Variants in FASTK observed in about 807,000 individuals in gnomAD.
The protein encoded by FASTK is fas-activated serine/threonine kinase.
Under a neutral mutation model 60.0 loss-of-function variants are expected in FASTK, and 28 were observed. The observed-to-expected ratio is 0.47, with a 90% confidence interval of 0.35 to 0.64. FASTK has a LOEUF of 0.64. Ranked by LOEUF, FASTK falls within the 30% of genes least tolerant of loss-of-function variation. FASTK has a pLI of 0.01. For synonymous variants in FASTK, 325 were observed against 307.9 expected (o/e 1.06, Z -0.58); for missense variants, 595 against 713.8 (o/e 0.83, Z 1.90).
rs1585006204 is a variant in FASTK, at chr7:151,077,140, T to C, written c.1388A>G (p.Gln463Arg). Reference sequence around the variant, plus strand: ...TCGAGTAGTGGCGCTAGAGGCAGCCTGGCCCTGTGGGCAGGACCTTGGTGG... The same window carrying C: ...TCGAGTAGTGGCGCTAGAGGCAGCCCGGCCCTGTGGGCAGGACCTTGGTGG... ...PYPPRSCPQG[Q>R]AASSATTRDP... The change falls in exon 8 of 10, where the codon CAG (glutamine) becomes CGG (arginine). Residue 463 changes from glutamine to arginine, a missense_variant. This residue lies in a region of FASTK where 471 missense variants were observed against 605.9 expected (regional missense o/e 0.78). Transcript: ENST00000297532. The C allele has an allele frequency of 6.2e-7, 1 of 1,612,762 alleles. No homozygotes were observed. The highest frequency in any genetic ancestry group is 8.5e-7 in the Non-Finnish European group (1 of 1,179,380).
At chr7:151,076,885 C>T (rs775545148) in intron 9 of FASTK, 28 bp downstream of exon 9, 5 of 1,596,696 alleles carry the variant, frequency 3.1e-6, no homozygotes, top group Non-Finnish European at 4.3e-6. Context: ...AGTGAGGATG[C>T]GCCACGGGCC....
At chr7:151,079,062 T>A in intron 2 of FASTK, 41 bp from the exon 3 acceptor site, 1 of 1,412,052 alleles carries the variant, frequency 7.1e-7, no homozygotes, top group Non-Finnish European at 9.3e-7. Flanking sequence ...AACAGAGCTG[T>A]GCTGCTGTTC....
intron 3 of FASTK, 34 bp from the exon 4 acceptor site, chr7:151,078,735 C>A (rs759138012): frequency 6.2e-7 from 1 of 1,611,452 alleles, no homozygotes; most frequent in Non-Finnish European, 8.5e-7. Flanking sequence ...TGGGCCTCAG[C>A]CGGACCTCCG....
At chr7:151,079,194 T>C in intron 2 of FASTK, 173 bp from the exon 3 acceptor site, 1 of 619,396 alleles carries the variant, frequency 1.6e-6, no homozygotes, top group Non-Finnish European at 2.7e-6. Context: ...GGCTATGAGG[T>C]ATCGAAACGG....
chr7:151,080,470 C>T, intron 1 of FASTK: 1 of 1,280,188 alleles, frequency 7.8e-7, no homozygotes, highest in Non-Finnish European at 9.9e-7. Context: ...GGCTTCGTCT[C>T]TCTAAGTCTC....
chr7:151,077,612 C>G lies in FASTK; in HGVS notation c.1199+9G>C, dbSNP rs1227363995. The G allele has an allele frequency of 2.0e-6, 3 of 1,536,762 alleles. No homozygotes were observed. In the South Asian group the frequency reaches 3.8e-5, roughly 19 times the overall value. ...GGCCCCTCCCCTTGCCCCAGGCTGC[C>G]CCATCCACCTGTACTTGCAGCGGGC... On this transcript the variant is annotated intron_variant, in intron 6 of 9. Coordinates refer to ENST00000297532, the MANE Select transcript of FASTK (RefSeq NM_006712.5).
chr7:151,079,871 G>A lies in FASTK; in HGVS notation c.134C>T (p.Ser45Phe), dbSNP rs1797887748. ...MLRVLLSAQT[S>F]PARLSGLLLI... ...CAGCAGGCCAGACAGCCGAGCAGGGGAGGTCTGAGCAGAGAGCAGGACTCG... is the reference window on the plus strand; with the variant it reads ...CAGCAGGCCAGACAGCCGAGCAGGGAAGGTCTGAGCAGAGAGCAGGACTCG... The change falls in exon 2 of 10, where the codon TCC becomes TTC. Residue 45 changes from serine to phenylalanine, a missense_variant. Around this residue, in one of 2 missense-constraint regions of FASTK, gnomAD observed 124 missense variants for 107.9 expected, o/e 1.15. Coordinates refer to ENST00000297532, the MANE Select transcript of FASTK (RefSeq NM_006712.5). 6.2e-7 allele frequency: 1 copy of A among 1,605,298 alleles called. No individual in the cohort carries two copies. The highest frequency in any genetic ancestry group is 1.1e-5 in the South Asian group (1 of 89,568).
intron 1 of FASTK, 53 bp from the exon 2 acceptor site, chr7:151,079,975 C>CCTG: frequency 6.9e-7 from 1 of 1,443,162 alleles, no homozygotes; most frequent in Non-Finnish European, 9.4e-7. Context: ...GGGAGAAAGA[C>CCTG]CTGCTACCTA....
Position 151,077,601 on chromosome 7 carries a change from C to T in FASTK, c.1199+20G>A, listed in dbSNP as rs747783360. On this transcript the variant is annotated intron_variant, in intron 6 of 9. Transcript: ENST00000297532. Reference sequence around the variant, plus strand: ...GGTCCCAGGCTGGCCCCTCCCCTTGCCCCAGGCTGCCCCATCCACCTGTAC... The same window carrying T: ...GGTCCCAGGCTGGCCCCTCCCCTTGTCCCAGGCTGCCCCATCCACCTGTAC... 2.0e-6 allele frequency: 3 copies of T among 1,531,324 alleles called. No individual in the cohort carries two copies. The highest frequency in any genetic ancestry group is 2.5e-5 in the South Asian group (2 of 78,546). The allele number at this position is 1,531,324 out of a possible 1,614,324, so 94.9% of individuals were successfully genotyped here. A position where few individuals can be genotyped will look rare whatever the true frequency, so the allele number is the denominator to read the frequency against.
At chr7:151,078,248 C>T (rs1307870964) in intron 4 of FASTK, among the ~76,000 whole-genome samples, 156 bp from the exon 5 acceptor site, 7 of 152,218 alleles carry the variant, frequency 4.6e-5, no homozygotes, top group Non-Finnish European at 1.0e-4. Context: ...AAAGCAGTCA[C>T]GAGCTGCACG....
At position 151,079,720 on chromosome 7, in the gene FASTK, A is replaced by G; in HGVS notation, c.285T>C (p.Pro95=). The part of the protein sequence containing the change: ...LQRLLEQAKS[P]GELLRWLGQN... ...GGCCCAGCCAGCGCAGCAGCTCCCCAGGGCTCTTCGCCTGTTCCAGAAGCC... is the reference window on the plus strand; with the variant it reads ...GGCCCAGCCAGCGCAGCAGCTCCCCGGGGCTCTTCGCCTGTTCCAGAAGCC... Residue 95 remains proline, a synonymous_variant, in exon 2 of 10, where the codon CCT becomes CCC. Transcript: ENST00000297532. The G allele has an allele frequency of 6.2e-7, 1 of 1,601,692 alleles. No individual in the cohort carries two copies. The highest frequency in any genetic ancestry group is 8.5e-7 in the Non-Finnish European group (1 of 1,174,694).
chr7:151,078,868 C>G lies in FASTK; in HGVS notation c.659G>C (p.Arg220Pro). The G allele has an allele frequency of 5.0e-6, 8 of 1,606,626 alleles. No individual in the cohort carries two copies. Among genetic ancestry groups the G allele is most frequent in the Non-Finnish European group, 6.8e-6 (8 of 1,177,688 alleles). Residue 220 changes from arginine (R) to proline (P), a missense_variant, in exon 3 of 10, where the codon CGG (arginine) becomes CCG (proline). Arg to Pro is a moderately radical substitution (Grantham distance 103). Transcript: ENST00000297532. Reference sequence around the variant, plus strand: ...TGCCAGGCTGCTGATCAGATGCTGCCGTGGATACCGCAGAAAACGGGGGCA... The same window carrying G: ...TGCCAGGCTGCTGATCAGATGCTGCGGTGGATACCGCAGAAAACGGGGGCA... ...LSCPRFLRYP[R>P]QHLISSLAEA...
intron 1 of FASTK, chr7:151,080,388 G>C: frequency 1.0e-6 from 1 of 998,064 alleles, no homozygotes; most frequent in Non-Finnish European, 1.3e-6. Flanking sequence ...TGGAACGCGG[G>C]CTCCGCGGCT....
At position 151,076,799 on chromosome 7, in the gene FASTK, G is replaced by A. The variant is rs33936429; in HGVS notation, c.1576C>T (p.Leu526=). The A allele has an allele frequency of 7.6e-5, 123 of 1,612,440 alleles. No homozygotes were observed. In the African/African-American group the frequency reaches 1.5e-3, roughly 20 times the overall value. ...CTCAGGTAGCTCTTGAGCTGGGGCA[G>A]GCCTCTCTGGGACTCCAGTTCCTCG... The part of the protein sequence containing the change: ...PFEELESQRG[L]PQLKSYLRQK... Residue 526 remains leucine (L), a synonymous_variant, in exon 10 of 10, where the codon CTG becomes TTG. Coordinates refer to ENST00000297532, the MANE Select transcript of FASTK (RefSeq NM_006712.5).
At position 151,077,618 on chromosome 7, in the gene FASTK, C is replaced by T. The variant is rs1288869229; in HGVS notation, c.1199+3G>A. 1.9e-6 allele frequency: 3 copies of T among 1,541,732 alleles called. No homozygotes were observed. The highest frequency in any genetic ancestry group is 2.3e-5 in the East Asian group (1 of 44,238). ...TCCCCTTGCCCCAGGCTGCCCCATC[C>T]ACCTGTACTTGCAGCGGGCACGGTC... is the stretch of plus-strand genomic sequence containing the variant. On this transcript the variant is annotated splice_donor_region_variant and intron_variant, in intron 6 of 9. Transcript: ENST00000297532.
intron 2 of FASTK, 190 bp from the exon 3 acceptor site, chr7:151,079,211 G>C (rs1797842641): frequency 1.7e-6 from 1 of 596,676 alleles, no homozygotes; most frequent in Non-Finnish European, 2.9e-6. Context: ...ACGGTTTGTA[G>C]GGAGTACATA....
In FASTK at chr7:151,080,669, C is replaced by T; in HGVS notation, c.82+16G>A. On this transcript the variant is annotated intron_variant, in intron 1 of 9. Coordinates refer to ENST00000297532, the MANE Select transcript of FASTK (RefSeq NM_006712.5). Reference sequence around the variant, plus strand: ...CGCTGCCCTCCCGCAGCCCTCCCCGCAGGCGCCACCCCTACATGACTCCCC... The same window carrying T: ...CGCTGCCCTCCCGCAGCCCTCCCCGTAGGCGCCACCCCTACATGACTCCCC... 6.9e-7 allele frequency: 1 copy of T among 1,439,380 alleles called. No homozygotes were observed. The highest frequency in any genetic ancestry group is 9.1e-7 in the Non-Finnish European group (1 of 1,101,322). 89.2% of individuals were successfully genotyped at this position (1,439,380 alleles called of 1,614,324 possible). A position where few individuals can be genotyped will look rare whatever the true frequency, so the allele number is the denominator to read the frequency against.
Position 151,080,677 on chromosome 7 carries a change from AC to A in FASTK, c.82+7del. On this transcript the variant is annotated splice_region_variant and intron_variant, in intron 1 of 9. Coordinates refer to ENST00000297532, the MANE Select transcript of FASTK (RefSeq NM_006712.5). ...TCCCGCAGCCCTCCCCGCAGGCGCC[AC>A]CCCTACATGACTCCCCGGGCCCTGC... 1 of 1,435,096 alleles carries A rather than the reference AC, an allele frequency of 7.0e-7. No homozygotes were observed. The highest frequency in any genetic ancestry group is 1.4e-5 in the South Asian group (1 of 71,974). 88.9% of individuals were successfully genotyped at this position (1,435,096 alleles called of 1,614,324 possible).
intron 2 of FASTK, 158 bp from the exon 3 acceptor site, chr7:151,079,179 CAT>C (rs1200345548): frequency 3.0e-6 from 2 of 663,088 alleles, no homozygotes; most frequent in East Asian, 3.0e-5. Flanking sequence ...TGTAAAGTAT[CAT>C]GTGGCTATGA....
Sources: gnomAD v4.1 joint callset for allele counts (sites outside exome capture counted in the v4.1 genomes callset) on GRCh38, gnomAD v4.1.1 for gene constraint, gnomAD v4.1.1 regional missense constraint, MANE v1.5 for transcripts, NCBI Gene and HGNC (gene_info 2026-07-23, HGNC 2026-07-21) for gene names.